Variants in KDM1B observed in about 807,000 individuals in gnomAD.
KDM1B encodes the protein lysine demethylase 1B.
KDM1B carries 63 observed loss-of-function variants against 107.4 expected under a neutral mutation model. The ratio of observed to expected loss-of-function variants is 0.59; its 90% CI spans 0.48 to 0.72. KDM1B has a LOEUF of 0.72. Ranked by LOEUF, KDM1B falls within the 30% of genes least tolerant of loss-of-function variation. The pLI is 0.00. For synonymous variants in KDM1B, 363 were observed against 363.9 expected (o/e 1.00, Z 0.03); for missense variants, 749 against 1,020.8 (o/e 0.73, Z 3.63).
intron 15 of KDM1B, among the ~76,000 whole-genome samples, chr6:18,206,514 C>T (rs1788384186): frequency 6.6e-6 from 1 of 152,088 alleles, no homozygotes; most frequent in African/African-American, 2.4e-5. Context: ...GAGACCCTGT[C>T]TAGGGGGAGA....
chr6:18,166,692 ATTTT>A (rs111532983), intron 6 of KDM1B, among the ~76,000 whole-genome samples: 2 of 150,288 alleles, frequency 1.3e-5, no homozygotes, highest in South Asian at 4.2e-4. Context: ...ACAAAAAAAA[ATTTT>A]TTTTTTAAGT....
chr6:18,215,173 G>A, intron 20 of KDM1B, 44 bp downstream of exon 20: 1 of 1,584,044 alleles, frequency 6.3e-7, no homozygotes, highest in Non-Finnish European at 8.5e-7. Flanking sequence ...AGCCGTGCTT[G>A]CTATCCAGAG....
rs967262848 is a variant in KDM1B at position 18,214,225 on chromosome 6, G to T, written c.2109+444G>T. On this transcript the variant is annotated intron_variant, in intron 19 of 21. Transcript: ENST00000650836. The surrounding 1 kb of genome is among the most constrained non-coding windows in gnomAD (Gnocchi z 4.4). ...GAGGAGAATGGCATACCCAGAGCTG[G>T]ACGGGGGTGGTCACTTTCTCTGCCG... 6.6e-6 allele frequency among the ~76,000 whole-genome samples: 1 copy of T among 152,174 alleles called. No homozygotes were observed. The highest frequency in any genetic ancestry group is 1.5e-5 in the Non-Finnish European group (1 of 68,044).
At chr6:18,192,928 C>A (rs1787377175) in intron 10 of KDM1B, among the ~76,000 whole-genome samples, 1 of 151,926 alleles carries the variant, frequency 6.6e-6, no homozygotes, top group Non-Finnish European at 1.5e-5. Context: ...CGCGGTGGCT[C>A]ACGCCTGTAA....
rs6924848 is a variant in KDM1B at position 18,205,294 on chromosome 6, C to T, written c.1532-243C>T. Among the ~76,000 whole-genome samples, 48,383 of 151,704 alleles carry T rather than the reference C, an allele frequency of 0.32. 8,310 individuals carry two copies. The highest frequency in any genetic ancestry group is 0.38 in the Non-Finnish European group (25,782 of 67,918). On this transcript the variant is annotated intron_variant, in intron 14 of 21. Coordinates refer to ENST00000650836, the MANE Select transcript of KDM1B (RefSeq NM_001364614.2). This position sits in a 1 kb window ranked among gnomAD's most constrained non-coding sequence, Gnocchi z 5.7. Reference sequence around the variant, plus strand: ...TATAGAACTTACATAGCTTTGTTTCCGGTTGTGCACATGTACCCTAAAACT... The same window carrying T: ...TATAGAACTTACATAGCTTTGTTTCTGGTTGTGCACATGTACCCTAAAACT...
Position 18,223,745 on chromosome 6 carries a change from G to A in KDM1B, c.*1753G>A, listed in dbSNP as rs995115023. The A allele has an allele frequency of 1.3e-5, 2 of 152,140 alleles. No homozygotes were observed. The highest frequency in any genetic ancestry group is 4.8e-5 in the African/African-American group (2 of 41,428). The allele number at this position is 152,140 out of a possible 1,614,324, so 9.4% of individuals were successfully genotyped here. A position where few individuals can be genotyped will look rare whatever the true frequency, so the allele number is the denominator to read the frequency against. ...TGGATATGTTTTTTCAATGCCATCT[G>A]AAGATTTTGTAATTGAGTAGCAGTA... On this transcript the variant is annotated 3_prime_UTR_variant, in exon 22 of 22. Coordinates refer to ENST00000650836, the MANE Select transcript of KDM1B (RefSeq NM_001364614.2).
intron 20 of KDM1B, among the ~76,000 whole-genome samples, chr6:18,216,474 T>C (rs1395250919): frequency 3.9e-5 from 6 of 152,226 alleles, no homozygotes; most frequent in African/African-American, 1.2e-4. Context: ...CATTAGTTGT[T>C]TGGAACTTAG....
chr6:18,205,191 G>A lies in KDM1B; in HGVS notation c.1532-346G>A, dbSNP rs1345259908. Reference sequence around the variant, plus strand: ...TGTGTGTGTGCATGTACATCTATGTGTGGGGACAGTTTTTCTGTATCTTGA... The same window carrying A: ...TGTGTGTGTGCATGTACATCTATGTATGGGGACAGTTTTTCTGTATCTTGA... On this transcript the variant is annotated intron_variant, in intron 14 of 21. Transcript: ENST00000650836. The surrounding 1 kb of genome is among the most constrained non-coding windows in gnomAD (Gnocchi z 5.7). Among the ~76,000 whole-genome samples the A allele has an allele frequency of 6.6e-6, 1 of 152,162 alleles. No individual in the cohort carries two copies. The highest frequency in any genetic ancestry group is 2.4e-5 in the African/African-American group (1 of 41,430).
At chr6:18,208,313 G>A in intron 17 of KDM1B, 107 bp downstream of exon 17, 2 of 771,710 alleles carry the variant, frequency 2.6e-6, no homozygotes, top group South Asian at 3.3e-5. Context: ...GAATCTGCCT[G>A]GACCCTTGTT....
intron 7 of KDM1B, among the ~76,000 whole-genome samples, chr6:18,185,314 T>C (rs556729415): frequency 7.0e-4 from 107 of 152,076 alleles, no homozygotes; most frequent in African/African-American, 2.4e-3. Context: ...CTTTTTTTTT[T>C]TTTTTGAGAT....
At chr6:18,160,565 C>T (rs544870430) in intron 3 of KDM1B, among the ~76,000 whole-genome samples, 2 of 151,980 alleles carry the variant, frequency 1.3e-5, no homozygotes, top group East Asian at 1.9e-4. Context: ...GGTGAAACCC[C>T]GTCTCTACTA....
rs214585 is a variant in KDM1B at position 18,215,072 on chromosome 6, T to C, written c.2175T>C (p.Asp725=). 0.94 allele frequency: 1,523,478 copies of C among 1,613,898 alleles called. 719,519 individuals carry two copies. Among genetic ancestry groups the C allele is most frequent in the East Asian group, 1 (44,817 of 44,852 alleles). The part of the protein sequence containing the change: ...GEAVASVRTL[D]DKQVLQQCMA... The stretch of plus-strand genomic sequence containing the variant: ...CTGTCGCATCCGTGAGGACCCTGGA[T>C]GACAAACAGGTGCTGCAGCAGTGCA... The change falls in exon 20 of 22, where the codon GAT becomes GAC. Residue 725 remains aspartate (D), a synonymous_variant. Coordinates refer to ENST00000650836, the MANE Select transcript of KDM1B (RefSeq NM_001364614.2).
chr6:18,180,203 C>T (rs530212484), intron 7 of KDM1B, among the ~76,000 whole-genome samples: 124 of 151,924 alleles, frequency 8.2e-4, no homozygotes, highest in African/African-American at 2.9e-3. Context: ...AGTTCATTTC[C>T]AGGCTGCGTG....
intron 7 of KDM1B, among the ~76,000 whole-genome samples, chr6:18,180,414 A>G (rs1340599996): frequency 6.6e-6 from 1 of 152,214 alleles, no homozygotes; most frequent in South Asian, 2.1e-4. Flanking sequence ...ACAATAAAAA[A>G]TAGCAGACTA....
intron 10 of KDM1B, 145 bp from the exon 11 acceptor site, chr6:18,196,912 T>C: frequency 1.4e-6 from 1 of 721,510 alleles, no homozygotes; most frequent in South Asian, 1.9e-5. Context: ...GGGAGGACTG[T>C]ACCTGTTGGC....
intron 9 of KDM1B, 123 bp downstream of exon 9, chr6:18,188,125 C>G (rs1786999304): frequency 3.4e-6 from 3 of 874,698 alleles, no homozygotes; most frequent in Admixed American, 2.2e-5. Flanking sequence ...TGGCTCATGC[C>G]TGTAATCCCA....
At chr6:18,170,638 A>G (rs182945594) in intron 6 of KDM1B, among the ~76,000 whole-genome samples, 35 of 150,114 alleles carry the variant, frequency 2.3e-4, no homozygotes, top group African/African-American at 8.3e-4. Flanking sequence ...GCACCACCGC[A>G]CCTGTCTGCT....
At chr6:18,178,375 C>T (rs143096627) in intron 7 of KDM1B, among the ~76,000 whole-genome samples, 14 of 149,960 alleles carry the variant, frequency 9.3e-5, no homozygotes, top group Admixed American at 2.7e-4. Context: ...CATGAGCCAC[C>T]GCACCCGGCC....
rs34969716 is a variant in KDM1B at position 18,209,878 on chromosome 6, G to A, written c.1866+1672G>A. Among the ~76,000 whole-genome samples the A allele has an allele frequency of 0.24, 36,234 of 152,096 alleles. 4,971 individuals are homozygous for A. Among genetic ancestry groups the A allele is most frequent in the East Asian group, 0.33 (1,708 of 5,174 alleles). ...AGCTCTTAATAGGTTTTGCCTGGTG[G>A]TAAACAGTGTTTAAAAATACTACCT... On this transcript the variant is annotated intron_variant, in intron 17 of 21. Transcript: ENST00000650836. The surrounding 1 kb of genome is among the most constrained non-coding windows in gnomAD (Gnocchi z 4.3).
Sources: allele counts gnomAD v4.1 joint callset (sites outside exome capture counted in the v4.1 genomes callset), GRCh38; gene constraint gnomAD v4.1.1; non-coding constraint Gnocchi (gnomAD v3.1); transcripts MANE v1.5; gene names NCBI Gene and HGNC (gene_info 2026-07-23, HGNC 2026-07-21).